Variants in ERCC4 observed in about 807,000 individuals in gnomAD.
The protein encoded by ERCC4 is ERCC excision repair 4, endonuclease catalytic subunit.
In ERCC4, 65 loss-of-function variants were observed where a neutral mutation model predicts 76.9. That is an observed-to-expected ratio of 0.84 (90% confidence interval 0.69 to 1.04). The LOEUF is 1.04. ERCC4 is among the 50% of genes least tolerant of loss of function. The pLI, the probability that ERCC4 is intolerant of heterozygous loss-of-function variation, is 0.00. For synonymous variants in ERCC4, 463 were observed against 410.1 expected (o/e 1.13, Z -1.56); for missense variants, 1,214 against 1,128.2 (o/e 1.08, Z -1.09).
chr16:13,926,202 C>T (rs1437862381), intron 2 of ERCC4, among the ~76,000 whole-genome samples: 1 of 152,112 alleles, frequency 6.6e-6, no homozygotes, highest in Non-Finnish European at 1.5e-5. Context: ...GGGCCTGTGC[C>T]CTCACTGTCC....
Position 13,920,170 on chromosome 16 carries a change from A to C in ERCC4, c.5A>C (p.Glu2Ala), listed in dbSNP as rs2031937419. Residue 2 changes from glutamate (E) to alanine (A), a missense_variant, in exon 1 of 11, where the codon GAG (glutamate) becomes GCG (alanine). Glu to Ala is a moderately radical substitution (Grantham distance 107). Coordinates refer to ENST00000311895, the MANE Select transcript of ERCC4 (RefSeq NM_005236.3). ...CTGCGACCCGGAAGAGCTTCCATGG[A>C]GTCAGGGCAGCCGGCTCGACGGATT... The part of the protein sequence containing the change: M[E>A]SGQPARRIAM... 3.1e-6 allele frequency: 5 copies of C among 1,605,084 alleles called. No homozygotes were observed. Among genetic ancestry groups the C allele is most frequent in the Non-Finnish European group, 2.5e-6 (3 of 1,179,778 alleles).
chr16:13,934,169 G>T, intron 6 of ERCC4, 23 bp from the exon 7 acceptor site: 1 of 1,459,050 alleles, frequency 6.9e-7, no homozygotes, highest in South Asian at 1.1e-5. Flanking sequence ...CACATAGAAT[G>T]AGATATTTTT....
intron 10 of ERCC4, among the ~76,000 whole-genome samples, chr16:13,946,748 G>T (rs1049048433): frequency 1.7e-4 from 25 of 145,038 alleles, no homozygotes; most frequent in Middle Eastern, 3.4e-3. Flanking sequence ...CTGTTTTTTT[G>T]TTTGTTTGTT....
Position 13,935,535 on chromosome 16 carries a change from G to C in ERCC4, c.1603G>C (p.Asp535His), listed in dbSNP as rs1260544722. 3 of 1,614,182 alleles carry C rather than the reference G, an allele frequency of 1.9e-6. No homozygotes were observed. In the South Asian group the frequency reaches 3.3e-5, roughly 18 times the overall value. Residue 535 changes from aspartate to histidine, a missense_variant, in exon 8 of 11, where the codon GAT becomes CAT. By Grantham distance (81) the Asp-to-His change is moderately conservative. Coordinates refer to ENST00000311895, the MANE Select transcript of ERCC4 (RefSeq NM_005236.3). ...CPEEIKHEEF[D>H]VNLSSDAAFG... ...GGAAGAAATTAAGCATGAAGAATTTGATGTAAATTTGTCATCGGATGCTGC... is the reference window on the plus strand; with the variant it reads ...GGAAGAAATTAAGCATGAAGAATTTCATGTAAATTTGTCATCGGATGCTGC...
In ERCC4 at chr16:13,935,506, G is replaced by T. The variant is rs1317427563; in HGVS notation, c.1574G>T (p.Cys525Phe). 5.0e-6 allele frequency: 8 copies of T among 1,614,152 alleles called. No homozygotes were observed. In the South Asian group the frequency reaches 6.6e-5, roughly 13 times the overall value. ...GAAATAAGCAGTAGCCCAGAAAGCT[G>T]CCCGGAAGAAATTAAGCATGAAGAA... is the stretch of plus-strand genomic sequence containing the variant. ...RREISSSPESCPEEIKHEEFD... is the reference protein window; with the variant it reads ...RREISSSPESFPEEIKHEEFD... Residue 525 changes from cysteine (C) to phenylalanine (F), a missense_variant, in exon 8 of 11, where the codon TGC (cysteine) becomes TTC (phenylalanine). Coordinates refer to ENST00000311895, the MANE Select transcript of ERCC4 (RefSeq NM_005236.3).
intron 9 of ERCC4, among the ~76,000 whole-genome samples, chr16:13,940,914 G>A (rs1458871495): frequency 6.6e-6 from 1 of 152,198 alleles, no homozygotes; most frequent in African/African-American, 2.4e-5. Context: ...GTTAGAGCCA[G>A]AGGAGCCTGA....
At chr16:13,930,960 C>A in intron 5 of ERCC4, 70 bp downstream of exon 5, 1 of 1,109,216 alleles carries the variant, frequency 9.0e-7, no homozygotes, top group South Asian at 1.3e-5. Flanking sequence ...TAGGGGGAAT[C>A]AGGTGTGAAA....
At chr16:13,936,093 G>A (rs755948014) in intron 8 of ERCC4, among the ~76,000 whole-genome samples, 9 of 152,218 alleles carry the variant, frequency 5.9e-5, no homozygotes, top group Non-Finnish European at 1.0e-4. Flanking sequence ...ACTGTGACTC[G>A]GCTAAGTAAT....
chr16:13,920,225 A>G lies in ERCC4; in HGVS notation c.60A>G (p.Arg20=). 1 of 1,607,910 alleles carries G rather than the reference A, an allele frequency of 6.2e-7. No homozygotes were observed. The highest frequency in any genetic ancestry group is 2.2e-5 in the East Asian group (1 of 44,884). Residue 20 remains arginine (R), a synonymous_variant, in exon 1 of 11, where the codon CGA becomes CGG. Transcript: ENST00000311895. ...TGGCGCCGCTGCTGGAGTACGAGCG[A>G]CAGCTGGTGCTGGAACTGCTCGACA... The part of the protein sequence containing the change: ...IAMAPLLEYE[R]QLVLELLDTD...
chr16:13,935,803 C>T, intron 8 of ERCC4, 60 bp downstream of exon 8: 1 of 1,215,890 alleles, frequency 8.2e-7, no homozygotes, highest in Non-Finnish European at 1.2e-6. Flanking sequence ...AACCCAGAAA[C>T]TATACCAGTT....
chr16:13,933,764 T>C (rs3136135), intron 6 of ERCC4: 4,748 of 155,576 alleles, frequency 0.031, 243 homozygotes, highest in African/African-American at 0.11. Flanking sequence ...GATGTGTTTG[T>C]GTTTGAATGC....
chr16:13,942,666 C>T (rs1181695948), intron 9 of ERCC4, among the ~76,000 whole-genome samples: 2 of 152,114 alleles, frequency 1.3e-5, no homozygotes, highest in Admixed American at 6.5e-5. Context: ...AATGACTTGC[C>T]TAAGGTCACG....
intron 4 of ERCC4, 94 bp downstream of exon 4, chr16:13,928,329 C>A: frequency 2.2e-6 from 2 of 919,338 alleles, no homozygotes; most frequent in Non-Finnish European, 3.4e-6. Flanking sequence ...TAGGAATTTG[C>A]TGTTATTTAA....
In ERCC4 at chr16:13,947,644, G is replaced by A. The variant is rs1254088258; in HGVS notation, c.2048G>A (p.Ser683Asn). 6.2e-7 allele frequency: 1 copy of A among 1,614,066 alleles called. No homozygotes were observed. The change falls in exon 11 of 11, where the codon AGC becomes AAC. Residue 683 changes from serine to asparagine, a missense_variant. Physicochemically the swap from Ser to Asn is conservative, Grantham distance 46. Transcript: ENST00000311895. ...CAGGAACAGAATGGTACACAGCAAA[G>A]CATAGTTGTGGATATGCGTGAATTT... ...GGQEQNGTQQ[S>N]IVVDMREFRS...
intron 2 of ERCC4, among the ~76,000 whole-genome samples, chr16:13,924,626 G>A (rs2032039889): frequency 6.6e-6 from 1 of 152,186 alleles, no homozygotes; most frequent in South Asian, 2.1e-4. Flanking sequence ...TGCACCAGCT[G>A]TGTATTTTTA....
rs936415249 is a variant in ERCC4 at position 13,951,678 on chromosome 16, C to G, written c.*3331C>G. 1 of 218,724 alleles carries G rather than the reference C, an allele frequency of 4.6e-6. No homozygotes were observed. Among genetic ancestry groups the G allele is most frequent in the Non-Finnish European group, 9.2e-6 (1 of 109,098 alleles). The allele number at this position is 218,724 out of a possible 1,614,324, so 13.5% of individuals were successfully genotyped here. A position where few individuals can be genotyped will look rare whatever the true frequency, so the allele number is the denominator to read the frequency against. Reference sequence around the variant, plus strand: ...TCTAGATTTGGTCGCATTGAAACCCCACAATATAGAATTAATAAATGGCCT... The same window carrying G: ...TCTAGATTTGGTCGCATTGAAACCCGACAATATAGAATTAATAAATGGCCT... On this transcript the variant is annotated 3_prime_UTR_variant, in exon 11 of 11. Transcript: ENST00000311895.
At chr16:13,946,732 C>T (rs2032519608) in intron 10 of ERCC4, among the ~76,000 whole-genome samples, 1 of 151,518 alleles carries the variant, frequency 6.6e-6, no homozygotes, top group African/African-American at 2.4e-5. Flanking sequence ...CTACTAAATA[C>T]AACATCTGTT....
rs1314323456 is a variant in ERCC4, at chr16:13,932,286, G to T, written c.1102+1G>T. The T allele has an allele frequency of 1.3e-6, 2 of 1,590,100 alleles. No homozygotes were observed. The highest frequency in any genetic ancestry group is 1.7e-6 in the Non-Finnish European group (2 of 1,159,280). ...AAAATGGAAATTAAAGAAGGGGAAGGTATCTTGTGGGGTTAAGTCTTTAAA... is the reference window on the plus strand; with the variant it reads ...AAAATGGAAATTAAAGAAGGGGAAGTTATCTTGTGGGGTTAAGTCTTTAAA... On this transcript the variant is annotated splice_donor_variant, in intron 6 of 10. Transcript: ENST00000311895. LOFTEE classifies it high-confidence loss of function.
chr16:13,920,915 C>T (rs567803651), intron 1 of ERCC4, among the ~76,000 whole-genome samples: 2 of 152,220 alleles, frequency 1.3e-5, no homozygotes, highest in Admixed American at 6.5e-5. Context: ...CAGAAGGATG[C>T]AGGTCCCTGA....
Sources: gnomAD v4.1 joint callset for allele counts (sites outside exome capture counted in the v4.1 genomes callset) on GRCh38, gnomAD v4.1.1 for gene constraint, MANE v1.5 for transcripts, NCBI Gene and HGNC (gene_info 2026-07-23, HGNC 2026-07-21) for gene names.